The following CFAP44 variants were observed in gnomAD, a reference collection of about 807,000 sequenced individuals.
CFAP44 encodes cilia and flagella associated protein 44.
In CFAP44, 134 loss-of-function variants were observed where a neutral mutation model predicts 216.2. That is an observed-to-expected ratio of 0.62 (90% CI 0.54 to 0.72). The LOEUF (loss-of-function observed/expected upper bound fraction) is 0.72, where lower values mean the gene tolerates loss of function less well. Ranked by LOEUF, CFAP44 falls within the 30% of genes least tolerant of loss-of-function variation. The pLI is 0.00. For missense variants in CFAP44, 2,035 were observed against 2,182.1 expected (o/e 0.93, Z 1.34); for synonymous variants, 700 against 727.6 (o/e 0.96, Z 0.61).
chr3:113,320,224 GTCTCTCTCTC>G (rs111963316), intron 28 of CFAP44, among the ~76,000 whole-genome samples: 6,128 of 141,424 alleles, frequency 0.043, 425 homozygotes, highest in African/African-American at 0.15. Context: ...AGGTATATTA[GTCTCTCTCTC>G]TCTCTCTCTC....
chr3:113,354,490 C>T (rs1449561139), intron 22 of CFAP44, among the ~76,000 whole-genome samples: 1 of 152,178 alleles, frequency 6.6e-6, no homozygotes. Context: ...CTGTGGGTTG[C>T]ATGGGAGCAA....
intron 22 of CFAP44, among the ~76,000 whole-genome samples, chr3:113,354,095 A>G (rs1265253790): frequency 1.6e-4 from 24 of 152,206 alleles, no homozygotes; most frequent in Non-Finnish European, 1.5e-5. Context: ...AAAAAAAAAA[A>G]AAAAATCTTT....
chr3:113,341,677 T>G (rs570663216), intron 24 of CFAP44, 67 bp downstream of exon 24: 15 of 1,336,412 alleles, frequency 1.1e-5, no homozygotes, highest in East Asian at 2.7e-5. Context: ...ATATAAAGAT[T>G]TTTAAGATAT....
At chr3:113,331,513 T>G (rs1440587953) in intron 25 of CFAP44, among the ~76,000 whole-genome samples, 1 of 152,138 alleles carries the variant, frequency 6.6e-6, no homozygotes, top group Non-Finnish European at 1.5e-5. Context: ...ACATATATAT[T>G]TACTATCTGC....
Position 113,420,011 on chromosome 3 carries a change from G to T in CFAP44, c.570+6C>A. On this transcript the variant is annotated splice_donor_region_variant and intron_variant, in intron 5 of 34. Transcript: ENST00000393845. ...GGGGTTTTTTTCTAATTTATTGAAG[G>T]CATACCCCAATGACGCCAATTCCTT... is the stretch of plus-strand genomic sequence containing the variant. The T allele has an allele frequency of 6.2e-7, 1 of 1,611,446 alleles. No individual in the cohort carries two copies. The highest frequency in any genetic ancestry group is 8.5e-7 in the Non-Finnish European group (1 of 1,178,986).
chr3:113,389,637 C>G lies in CFAP44; in HGVS notation c.1890+6113G>C, dbSNP rs370831974. 4.6e-5 allele frequency among the ~76,000 whole-genome samples: 7 copies of G among 151,220 alleles called. No homozygotes were observed. In the East Asian group the frequency reaches 1.2e-3, roughly 25 times the overall value. Reference sequence around the variant, plus strand: ...AGACTAACAAAATAAGAGAGAGAAGCCTAAAATATATGAAATCAAAGATGA... The same window carrying G: ...AGACTAACAAAATAAGAGAGAGAAGGCTAAAATATATGAAATCAAAGATGA... On this transcript the variant is annotated intron_variant, in intron 15 of 34. Transcript: ENST00000393845.
intron 22 of CFAP44, among the ~76,000 whole-genome samples, chr3:113,357,819 G>A (rs1053460007): frequency 2.6e-5 from 4 of 152,082 alleles, no homozygotes; most frequent in Admixed American, 2.6e-4. Context: ...TATAACCTAT[G>A]GCCCAGCAGT....
At chr3:113,293,997 AC>A (rs1398705862) in intron 34 of CFAP44, 2 of 456,712 alleles carry the variant, frequency 4.4e-6, no homozygotes, top group Non-Finnish European at 8.8e-6. Context: ...TCTTCAGAGG[AC>A]CAAACTGTTG....
rs936309904 is a variant in CFAP44 at position 113,344,861 on chromosome 3, G to A, written c.3066-149C>T. ...ATTTTAACATATATATACCAACCAGGATGTCATGAAAGTTGGATTGGACTT... is the reference window on the plus strand; with the variant it reads ...ATTTTAACATATATATACCAACCAGAATGTCATGAAAGTTGGATTGGACTT... On this transcript the variant is annotated intron_variant, in intron 22 of 34. Coordinates refer to ENST00000393845, the MANE Select transcript of CFAP44 (RefSeq NM_001164496.2). 5 of 675,046 alleles carry A rather than the reference G, an allele frequency of 7.4e-6. No individual in the cohort carries two copies. The African/African-American group carries it at 7.5e-5, about 10-fold the overall frequency. The allele number at this position is 675,046 out of a possible 1,614,324, so 41.8% of individuals were successfully genotyped here. A position where few individuals can be genotyped will look rare whatever the true frequency, so the allele number is the denominator to read the frequency against.
chr3:113,355,828 T>G (rs1423786376), intron 22 of CFAP44, among the ~76,000 whole-genome samples: 2 of 151,208 alleles, frequency 1.3e-5, no homozygotes, highest in Non-Finnish European at 2.9e-5. Context: ...GCACCTACAA[T>G]GTAAAATTTA....
rs368405158 is a variant in CFAP44 at position 113,302,023 on chromosome 3, G to C, written c.5077+1893C>G. Among the ~76,000 whole-genome samples the C allele has an allele frequency of 8.7e-3, 1,317 of 152,086 alleles. 22 individuals carry two copies. The highest frequency in any genetic ancestry group is 0.03 in the African/African-American group (1,261 of 41,474). On this transcript the variant is annotated intron_variant, in intron 32 of 34. Coordinates refer to ENST00000393845, the MANE Select transcript of CFAP44 (RefSeq NM_001164496.2). ...ACTCTGCATATAAGTGATGTCATGT[G>C]GTATTTTCTTTCTGTGCCTCTTATT...
chr3:113,310,985 T>A (rs888034472), intron 28 of CFAP44, among the ~76,000 whole-genome samples: 6 of 152,188 alleles, frequency 3.9e-5, no homozygotes, highest in African/African-American at 1.4e-4. Flanking sequence ...ACGTCTTTTC[T>A]TATAACTTAC....
intron 22 of CFAP44, among the ~76,000 whole-genome samples, chr3:113,356,027 T>G (rs528792061): frequency 5.3e-5 from 8 of 149,920 alleles, no homozygotes; most frequent in Non-Finnish European, 1.2e-4. Context: ...ACATATTATA[T>G]ATAAAATGTA....
chr3:113,328,631 G>T (rs1950209708), intron 26 of CFAP44, among the ~76,000 whole-genome samples: 1 of 142,390 alleles, frequency 7.0e-6, no homozygotes. Context: ...CCCAGACTGG[G>T]GCTGAGGAGA....
chr3:113,403,267 C>A (rs1251425061), intron 9 of CFAP44, among the ~76,000 whole-genome samples: 1 of 152,150 alleles, frequency 6.6e-6, no homozygotes, highest in African/African-American at 2.4e-5. Context: ...GAAAGTGCTA[C>A]ACAGAGTGGG....
chr3:113,296,895 G>A lies in CFAP44; in HGVS notation c.5078-10C>T, dbSNP rs1188307081. On this transcript the variant is annotated splice_polypyrimidine_tract_variant and intron_variant, in intron 32 of 34. Transcript: ENST00000393845. The stretch of plus-strand genomic sequence containing the variant: ...ACTGTTTCCTCCATTTCTAAAAGAA[G>A]ACAGTCACTGGCTCAGGTTGTTCAA... 1 of 1,537,202 alleles carries A rather than the reference G, an allele frequency of 6.5e-7. No individual in the cohort carries two copies. Among genetic ancestry groups the A allele is most frequent in the East Asian group, 2.4e-5 (1 of 40,924 alleles).
At chr3:113,435,859 G>A (rs1186453506) in intron 1 of CFAP44, among the ~76,000 whole-genome samples, 2 of 39,328 alleles carry the variant, frequency 5.1e-5, no homozygotes, top group Non-Finnish European at 8.6e-5. Flanking sequence ...GTGTATGTAC[G>A]TGTGTGTGTG....
chr3:113,398,615 G>C (rs1327941716), intron 13 of CFAP44, among the ~76,000 whole-genome samples: 1 of 152,098 alleles, frequency 6.6e-6, no homozygotes. Context: ...CAATCTAAAT[G>C]CTCTGTCATT....
intron 1 of CFAP44, chr3:113,435,076 G>T (rs186406175): frequency 6.6e-6 from 1 of 152,338 alleles, no homozygotes; most frequent in African/African-American, 2.4e-5. Context: ...GAAAGATATA[G>T]ACCGAGCTCA....
Sources: gnomAD v4.1 joint callset for allele counts (sites outside exome capture counted in the v4.1 genomes callset) on GRCh38, gnomAD v4.1.1 for gene constraint, MANE v1.5 for transcripts, NCBI Gene and HGNC (gene_info 2026-07-23, HGNC 2026-07-21) for gene names.